Variants in CDH26 observed in about 807,000 individuals in gnomAD.
CDH26 encodes the protein cadherin-like protein 26.
Under a neutral mutation model 90.3 loss-of-function variants are expected in CDH26, and 83 were observed. The ratio of observed to expected loss-of-function variants is 0.92; its 90% CI spans 0.77 to 1.10. The LOEUF is 1.10. Ranked by LOEUF, CDH26 falls within the 50% of genes least tolerant of loss-of-function variation. The pLI is 0.00. For missense variants in CDH26, 1,013 were observed against 1,037.6 expected (o/e 0.98, Z 0.33); for synonymous variants, 397 against 396.3 (o/e 1.00, Z -0.02).
rs149717463 is a variant in CDH26 at position 60,012,577 on chromosome 20, C to A, written c.2346C>A (p.His782Gln). 1.2e-6 allele frequency: 2 copies of A among 1,614,016 alleles called. No homozygotes were observed. The highest frequency in any genetic ancestry group is 2.7e-5 in the African/African-American group (2 of 74,912). Residue 782 changes from histidine to glutamine, a missense_variant, in exon 18 of 18, where the codon CAC becomes CAA. Coordinates refer to ENST00000348616, the MANE Select transcript of CDH26 (RefSeq NM_177980.4). The stretch of plus-strand genomic sequence containing the variant: ...AAGATGACCCCGGCTACCTACCTCA[C>A]GTCTACAGCGAGGAAGGGGAGTGTG... Reference protein sequence around the residue: ...VLEDDPGYLPHVYSEEGECGG... With the variant: ...VLEDDPGYLPQVYSEEGECGG...
At chr20:60,019,475 A>G (rs1250052725), downstream of CDH26, among the ~76,000 whole-genome samples, 1 of 152,106 alleles carries the variant, frequency 6.6e-6, no homozygotes, top group East Asian at 1.9e-4. Context: ...GGTCTTGTCC[A>G]TTGTTGAAAC....
intron 7 of CDH26, among the ~76,000 whole-genome samples, chr20:60,020,604 G>A (rs141412350): frequency 1.3e-5 from 2 of 152,288 alleles, no homozygotes; most frequent in Admixed American, 6.5e-5. Context: ...AATATGGAGC[G>A]CTGGTGCTGT....
At position 60,006,728 on chromosome 20, in the gene CDH26, A is replaced by T; in HGVS notation, c.2236A>T (p.Thr746Ser). ...IHSTPAYPDA[T>S]MHRQLLAPVE... ...TTGCTTGCAGGCTTACCCAGATGCC[A>T]CAATGCACAGACAACTCCTGGCTCC... The change falls in exon 17 of 18, where the codon ACA becomes TCA. Residue 746 changes from threonine (T) to serine (S), a missense_variant. Transcript: ENST00000348616. The T allele has an allele frequency of 6.2e-7, 1 of 1,614,026 alleles. No individual in the cohort carries two copies. Among genetic ancestry groups the T allele is most frequent in the African/African-American group, 1.3e-5 (1 of 75,020 alleles).
chr20:60,029,192 T>A (rs2062021273), intron 7 of CDH26, among the ~76,000 whole-genome samples: 1 of 152,150 alleles, frequency 6.6e-6, no homozygotes, highest in South Asian at 2.1e-4. Context: ...GAGATGGGGA[T>A]CTGTTTGTCA....
At chr20:60,035,046 T>C (rs1175760896), downstream of CDH26, among the ~76,000 whole-genome samples, 1 of 152,258 alleles carries the variant, frequency 6.6e-6, no homozygotes, top group African/African-American at 2.4e-5. Flanking sequence ...TTAATACCAA[T>C]GTGTAAACTG....
At chr20:59,996,585 A>T in intron 12 of CDH26, 46 bp from the exon 13 acceptor site, 1 of 1,614,222 alleles carries the variant, frequency 6.2e-7, no homozygotes, top group Non-Finnish European at 8.5e-7. Context: ...AACCTCTGAT[A>T]TGGGTGAGCT....
intron 10 of CDH26, among the ~76,000 whole-genome samples, chr20:59,993,690 T>C (rs6100683): frequency 0.021 from 3,261 of 152,336 alleles, 118 homozygotes; most frequent in African/African-American, 0.074. Flanking sequence ...TGGCTCCATA[T>C]ATTTGCAGTT....
At chr20:60,025,437 A>C (rs1473948218) in intron 7 of CDH26, among the ~76,000 whole-genome samples, 1 of 152,232 alleles carries the variant, frequency 6.6e-6, no homozygotes, top group Non-Finnish European at 1.5e-5. Context: ...GCCCCATGGC[A>C]TATCCTTTTA....
downstream of CDH26, among the ~76,000 whole-genome samples, chr20:60,034,646 C>T (rs945917375): frequency 2.0e-5 from 3 of 152,238 alleles, no homozygotes; most frequent in African/African-American, 2.4e-5. Flanking sequence ...AGCCAGCCCC[C>T]AGCTGCCTTC....
chr20:60,002,799 C>A lies in CDH26; in HGVS notation c.2167-14C>A. 6.3e-7 allele frequency: 1 copy of A among 1,580,258 alleles called. No individual in the cohort carries two copies. Among genetic ancestry groups the A allele is most frequent in the South Asian group, 1.2e-5 (1 of 84,998 alleles). On this transcript the variant is annotated splice_polypyrimidine_tract_variant and intron_variant, in intron 15 of 17. Transcript: ENST00000348616. ...ATTTATTTGAAATCAGTAAATATTT[C>A]ATCTTTCTTTAAGGGTTATGGCAAG... is the stretch of plus-strand genomic sequence containing the variant.
downstream of CDH26, among the ~76,000 whole-genome samples, chr20:60,018,062 G>T (rs898530933): frequency 4.6e-5 from 7 of 151,928 alleles, no homozygotes; most frequent in Admixed American, 1.3e-4. Context: ...ATGTGCTGAT[G>T]AAAAAAATGT....
At chr20:59,973,541 C>T (rs1241859753) in intron 4 of CDH26, among the ~76,000 whole-genome samples, 1 of 152,092 alleles carries the variant, frequency 6.6e-6, no homozygotes, top group African/African-American at 2.4e-5. Flanking sequence ...GATCCTCTCC[C>T]TCCTCCCACC....
chr20:60,011,550 C>T (rs1356958966), intron 17 of CDH26, among the ~76,000 whole-genome samples: 1 of 152,138 alleles, frequency 6.6e-6, no homozygotes, highest in Non-Finnish European at 1.5e-5. Context: ...GATAGTAAAT[C>T]CTGTAGGATT....
chr20:59,984,575 T>A (rs557419371), intron 5 of CDH26, 64 bp from the exon 6 acceptor site: 25 of 1,370,674 alleles, frequency 1.8e-5, no homozygotes, highest in Middle Eastern at 1.9e-4. Flanking sequence ...AAATAATTCA[T>A]CCTCTTACTG....
Position 59,993,914 on chromosome 20 carries a change from G to T in CDH26, c.1427-336G>T, listed in dbSNP as rs77234104. ...TTGCCTCCCCTTGGGGACCCCCATG[G>T]TGCCCTTCTTTAGTCACACCCATTT... On this transcript the variant is annotated intron_variant, in intron 10 of 17. Coordinates refer to ENST00000348616, the MANE Select transcript of CDH26 (RefSeq NM_177980.4). 3.9e-5 allele frequency among the ~76,000 whole-genome samples: 6 copies of T among 152,176 alleles called. No individual in the cohort carries two copies. In the East Asian group the frequency reaches 9.7e-4, roughly 25 times the overall value.
intron 7 of CDH26, among the ~76,000 whole-genome samples, chr20:60,023,722 T>G (rs2061975804): frequency 6.6e-6 from 1 of 152,196 alleles, no homozygotes; most frequent in African/African-American, 2.4e-5. Flanking sequence ...CAATTTAAGT[T>G]GACTGAGAGC....
rs184106602 is a variant in CDH26 at position 60,011,732 on chromosome 20, C to T, written c.2296-795C>T. On this transcript the variant is annotated intron_variant, in intron 17 of 17. Transcript: ENST00000348616. Reference sequence around the variant, plus strand: ...CGGCTAGCCCCTGTAACAGGGGGTGCGCACTGCACTTGGCGAGCATTGAGG... The same window carrying T: ...CGGCTAGCCCCTGTAACAGGGGGTGTGCACTGCACTTGGCGAGCATTGAGG... 7.9e-5 allele frequency among the ~76,000 whole-genome samples: 12 copies of T among 152,222 alleles called. No individual in the cohort carries two copies. The East Asian group carries it at 1.5e-3, about 20-fold the overall frequency.
At chr20:59,977,578 T>TA (rs112968976) in intron 4 of CDH26, among the ~76,000 whole-genome samples, 44,294 of 151,016 alleles carry the variant, frequency 0.29, 8,674 homozygotes, top group African/African-American at 0.55. Flanking sequence ...AGGGACATCA[T>TA]TTTTTCAAAT....
At chr20:59,970,219 C>T in intron 3 of CDH26, 33 bp downstream of exon 3, 2 of 1,607,212 alleles carry the variant, frequency 1.2e-6, no homozygotes, top group Non-Finnish European at 8.5e-7. Context: ...ATGACCCCAT[C>T]ATGCCCTCTA....
Sources: allele counts gnomAD v4.1 joint callset (sites outside exome capture counted in the v4.1 genomes callset), GRCh38; gene constraint gnomAD v4.1.1; transcripts MANE v1.5; gene names NCBI Gene and HGNC (gene_info 2026-07-23, HGNC 2026-07-21).